TOM1L1: variants seen among roughly 807,000 people sequenced by gnomAD.
TOM1L1 encodes target of myb1 like 1 membrane trafficking protein.
TOM1L1 carries 64 observed loss-of-function variants against 63.4 expected under a neutral mutation model. That is an observed-to-expected ratio of 1.01 (90% CI 0.83 to 1.24). The LOEUF is 1.24. TOM1L1 is among the 50% of genes most tolerant of loss of function. TOM1L1 has a pLI of 0.00. For synonymous variants in TOM1L1, 166 were observed against 194.4 expected (o/e 0.85, Z 1.22); for missense variants, 536 against 567.0 (o/e 0.95, Z 0.55).
intron 14 of TOM1L1, chr17:54,959,641 A>G (rs970550560): frequency 6.8e-6 from 1 of 146,006 alleles, no homozygotes; most frequent in Non-Finnish European, 1.5e-5. Flanking sequence ...TTTTGAGACG[A>G]AAGTCTTGCT....
chr17:54,947,329 T>A lies in TOM1L1; in HGVS notation c.1182+17T>A, dbSNP rs2049137184. 1 of 1,613,542 alleles carries A rather than the reference T, an allele frequency of 6.2e-7. No individual in the cohort carries two copies. The highest frequency in any genetic ancestry group is 1.3e-5 in the African/African-American group (1 of 74,930). On this transcript the variant is annotated intron_variant, in intron 12 of 15. Transcript: ENST00000575882. The stretch of plus-strand genomic sequence containing the variant: ...TATGATAATGTAAGTAACAAAACTC[T>A]TTTCTAGCAGTGCATCTAGTCAGCA...
chr17:54,936,306 C>T (rs188870138), intron 8 of TOM1L1: 1 of 181,654 alleles, frequency 5.5e-6, no homozygotes, highest in East Asian at 1.5e-4. Flanking sequence ...AAAATTCTCA[C>T]AGCATACTCA....
At chr17:54,942,711 T>A (rs1217912844) in intron 11 of TOM1L1, among the ~76,000 whole-genome samples, 1 of 152,230 alleles carries the variant, frequency 6.6e-6, no homozygotes, top group Non-Finnish European at 1.5e-5. Flanking sequence ...TTTTTTGTTT[T>A]GGTTTGGTGT....
intron 8 of TOM1L1, chr17:54,936,447 T>C: frequency 4.5e-6 from 2 of 447,454 alleles, no homozygotes; most frequent in Non-Finnish European, 7.9e-6. Flanking sequence ...TTAAATACTT[T>C]TCTATTTTCT....
intron 3 of TOM1L1, among the ~76,000 whole-genome samples, chr17:54,906,184 T>G (rs890808973): frequency 8.0e-5 from 12 of 150,052 alleles, no homozygotes; most frequent in Non-Finnish European, 3.0e-5. Context: ...AAAAAAAGTT[T>G]GTGGCTGGGT....
At chr17:54,910,783 G>T (rs907116159) in intron 3 of TOM1L1, among the ~76,000 whole-genome samples, 2 of 152,068 alleles carry the variant, frequency 1.3e-5, no homozygotes, top group Non-Finnish European at 2.9e-5. Context: ...TCACACAGCT[G>T]CATGTTTCTA....
intron 5 of TOM1L1, among the ~76,000 whole-genome samples, chr17:54,914,323 A>C (rs551701995): frequency 1.3e-4 from 19 of 151,892 alleles, no homozygotes; most frequent in Admixed American, 1.1e-3. Context: ...ACCCAAAGAG[A>C]AGGCATCAAT....
chr17:54,922,470 G>A (rs1049355702), intron 7 of TOM1L1, among the ~76,000 whole-genome samples: 2 of 152,096 alleles, frequency 1.3e-5, no homozygotes, highest in African/African-American at 4.8e-5. Flanking sequence ...AGGCATGGTG[G>A]TACATGCCTG....
Position 54,913,884 on chromosome 17 carries a change from T to C in TOM1L1, c.498+11T>C. On this transcript the variant is annotated intron_variant, in intron 5 of 15. Coordinates refer to ENST00000575882, the MANE Select transcript of TOM1L1 (RefSeq NM_005486.3). Reference sequence around the variant, plus strand: ...ACAGCAAGACAAGAGGTAGGAGGCCTTTCTTTGACCCATGGAGACTATAGT... The same window carrying C: ...ACAGCAAGACAAGAGGTAGGAGGCCCTTCTTTGACCCATGGAGACTATAGT... 6.2e-7 allele frequency: 1 copy of C among 1,601,650 alleles called. No individual in the cohort carries two copies. The highest frequency in any genetic ancestry group is 8.5e-7 in the Non-Finnish European group (1 of 1,172,296).
chr17:54,914,931 G>A lies in TOM1L1; in HGVS notation c.603+188G>A, dbSNP rs528583510. ...AGTTCCAAGAAGGAGTAATCCCATG[G>A]GTTCTGTCTGCTTCCAAAGCCCAAC... is the stretch of plus-strand genomic sequence containing the variant. On this transcript the variant is annotated intron_variant, in intron 6 of 15. Transcript: ENST00000575882. Among the ~76,000 whole-genome samples the A allele has an allele frequency of 2.6e-5, 4 of 152,276 alleles. No individual in the cohort carries two copies. The South Asian group carries it at 8.3e-4, about 32-fold the overall frequency.
At position 54,913,860 on chromosome 17, in the gene TOM1L1, C is replaced by CAGCA. The variant is rs780847518; in HGVS notation, c.488_491dup (p.Arg164SerfsTer46). ...CCTCCCTCAGAAGCAGAGGCTGAAA[C>CAGCA]AGCAAGACAAGAGGTAGGAGGCCTT... On this transcript the variant is annotated frameshift_variant, in exon 5 of 16. Transcript: ENST00000575882. LOFTEE classifies it high-confidence loss of function. The CAGCA allele has an allele frequency of 1.2e-6, 2 of 1,608,148 alleles. No homozygotes were observed. Among genetic ancestry groups the CAGCA allele is most frequent in the South Asian group, 2.2e-5 (2 of 90,988 alleles).
intron 14 of TOM1L1, among the ~76,000 whole-genome samples, chr17:54,956,598 C>T (rs892534842): frequency 3.9e-5 from 6 of 151,950 alleles, no homozygotes; most frequent in Non-Finnish European, 5.9e-5. Context: ...TGTAAGCCAC[C>T]GTGCCTAGCC....
chr17:54,901,147 C>T (rs949202616), intron 1 of TOM1L1: 1 of 621,822 alleles, frequency 1.6e-6, no homozygotes, highest in Non-Finnish European at 2.8e-6. Context: ...AATGTACCTT[C>T]CTTTCGATGC....
intron 3 of TOM1L1, among the ~76,000 whole-genome samples, chr17:54,907,990 G>C (rs9897646): frequency 0.25 from 37,925 of 152,012 alleles, 4,873 homozygotes; most frequent in Non-Finnish European, 0.28. Flanking sequence ...TGAGGAAGTT[G>C]GGCTATTCCA....
chr17:54,956,261 C>G (rs1055615370), intron 14 of TOM1L1, among the ~76,000 whole-genome samples: 2 of 152,198 alleles, frequency 1.3e-5, no homozygotes, highest in African/African-American at 4.8e-5. Flanking sequence ...CCTCCCTACT[C>G]AGCCTCATGA....
At chr17:54,918,743 C>T (rs2143801244) in intron 7 of TOM1L1, among the ~76,000 whole-genome samples, 1 of 152,340 alleles carries the variant, frequency 6.6e-6, no homozygotes, top group South Asian at 2.1e-4. Context: ...TAGAAAGTGG[C>T]ATCTTTGGTC....
intron 10 of TOM1L1, chr17:54,937,449 A>G (rs1355216663): frequency 3.9e-6 from 2 of 514,878 alleles, no homozygotes; most frequent in East Asian, 6.7e-5. Context: ...CATCCTACTC[A>G]CTTAGAATCT....
intron 7 of TOM1L1, among the ~76,000 whole-genome samples, chr17:54,926,551 GACAACT>G (rs773653792): frequency 6.6e-6 from 1 of 151,286 alleles, no homozygotes; most frequent in Non-Finnish European, 1.5e-5. Flanking sequence ...ATTTTGAAAT[GACAACT>G]ACAGAAAGCC....
At chr17:54,914,345 G>A (rs1264166896) in intron 5 of TOM1L1, among the ~76,000 whole-genome samples, 1 of 149,288 alleles carries the variant, frequency 6.7e-6, no homozygotes, top group Non-Finnish European at 1.5e-5. Flanking sequence ...ATCTCACATG[G>A]CAGTTTATCA....
Sources: gnomAD v4.1 joint callset for allele counts (sites outside exome capture counted in the v4.1 genomes callset) on GRCh38, gnomAD v4.1.1 for gene constraint, MANE v1.5 for transcripts, NCBI Gene and HGNC (gene_info 2026-07-23, HGNC 2026-07-21) for gene names.